RPRD1A: variants seen among roughly 807,000 people sequenced by gnomAD.
RPRD1A encodes the protein regulation of nuclear pre-mRNA domain containing 1A.
RPRD1A carries 9 observed loss-of-function variants against 37.8 expected under a neutral mutation model. That is an observed-to-expected ratio of 0.24 (90% confidence interval 0.14 to 0.42). The LOEUF is 0.42. Ranked by LOEUF, RPRD1A falls within the 10% of genes least tolerant of loss-of-function variation. RPRD1A has a pLI of 1.00. For synonymous variants in RPRD1A, 138 were observed against 139.7 expected (o/e 0.99, Z 0.08); for missense variants, 255 against 371.0 (o/e 0.69, Z 2.57).
At chr18:36,056,917 C>G (rs1354989203) in intron 1 of RPRD1A, among the ~76,000 whole-genome samples, 1 of 151,424 alleles carries the variant, frequency 6.6e-6, no homozygotes, top group African/African-American at 2.4e-5. Flanking sequence ...TTTTAACAAA[C>G]AAAAATAAAT....
intron 1 of RPRD1A, 109 bp downstream of exon 1, chr18:36,067,145 C>T: frequency 8.0e-7 from 1 of 1,249,530 alleles, no homozygotes; most frequent in Non-Finnish European, 1.1e-6. Flanking sequence ...CCACCGCGCG[C>T]TGGCATCCCG....
chr18:35,997,437 TCA>T (rs1909141216), intron 6 of RPRD1A, among the ~76,000 whole-genome samples: 1 of 152,184 alleles, frequency 6.6e-6, no homozygotes, highest in African/African-American at 2.4e-5. Context: ...GTTAAACCTT[TCA>T]CACATGTGTA....
chr18:36,065,768 C>A (rs1045321806), intron 1 of RPRD1A, among the ~76,000 whole-genome samples: 13 of 152,220 alleles, frequency 8.5e-5, no homozygotes, highest in African/African-American at 3.1e-4. Flanking sequence ...AATTGATGAA[C>A]ATAAAGTGGT....
At chr18:36,016,576 T>C (rs756542475) in intron 6 of RPRD1A, among the ~76,000 whole-genome samples, 83 of 152,160 alleles carry the variant, frequency 5.5e-4, no homozygotes, top group Non-Finnish European at 1.1e-3. Context: ...CTCCTTTTGC[T>C]TTTTTTAAAT....
intron 6 of RPRD1A, among the ~76,000 whole-genome samples, chr18:36,014,082 T>C (rs1910345673): frequency 6.6e-6 from 1 of 152,208 alleles, no homozygotes; most frequent in African/African-American, 2.4e-5. Context: ...TACACATACA[T>C]ATATAAAAGA....
intron 1 of RPRD1A, among the ~76,000 whole-genome samples, chr18:36,060,687 C>G (rs1032064285): frequency 6.6e-6 from 1 of 152,022 alleles, no homozygotes; most frequent in Non-Finnish European, 1.5e-5. Context: ...ATGTAACCCC[C>G]CAACCTATAA....
chr18:36,062,292 C>A (rs1469706881), intron 1 of RPRD1A, among the ~76,000 whole-genome samples: 2 of 142,980 alleles, frequency 1.4e-5, no homozygotes, highest in Non-Finnish European at 3.0e-5. Flanking sequence ...AGTCCGCAGT[C>A]CGGCCTGGGC....
chr18:36,008,988 G>A (rs1235811286), intron 6 of RPRD1A, among the ~76,000 whole-genome samples: 1 of 152,032 alleles, frequency 6.6e-6, no homozygotes, highest in Admixed American at 6.6e-5. Context: ...ACACTAACTG[G>A]GTATGGGAGT....
intron 2 of RPRD1A, among the ~76,000 whole-genome samples, chr18:36,033,070 G>A (rs1316786873): frequency 2.0e-5 from 3 of 152,036 alleles, no homozygotes; most frequent in Non-Finnish European, 2.9e-5. Flanking sequence ...TTGGGAGGCC[G>A]AGGCAGGTGG....
At position 35,991,678 on chromosome 18, in the gene RPRD1A, T is replaced by C. The variant is rs1908726681; in HGVS notation, c.*1473A>G. On this transcript the variant is annotated 3_prime_UTR_variant, in exon 7 of 7. Coordinates refer to ENST00000399022, the MANE Select transcript of RPRD1A (RefSeq NM_018170.5). Reference sequence around the variant, plus strand: ...TAGTAGTGCATGGATGAGCACTACTTATATGTGTCTCTGTTTTGGAGAGAG... The same window carrying C: ...TAGTAGTGCATGGATGAGCACTACTCATATGTGTCTCTGTTTTGGAGAGAG... 6.6e-6 allele frequency: 1 copy of C among 152,204 alleles called. No homozygotes were observed. Among genetic ancestry groups the C allele is most frequent in the Admixed American group, 6.5e-5 (1 of 15,284 alleles). 9.4% of individuals were successfully genotyped at this position (152,204 alleles called of 1,614,324 possible). A position where few individuals can be genotyped will look rare whatever the true frequency, so the allele number is the denominator to read the frequency against.
intron 1 of RPRD1A, among the ~76,000 whole-genome samples, chr18:36,044,828 T>A (rs1912841294): frequency 6.6e-6 from 1 of 152,050 alleles, no homozygotes; most frequent in African/African-American, 2.4e-5. Flanking sequence ...ACTGCAATTG[T>A]ATCCAAAGGA....
intron 1 of RPRD1A, among the ~76,000 whole-genome samples, chr18:36,046,670 G>GAA (rs1196382449): frequency 7.0e-6 from 1 of 142,988 alleles, no homozygotes; most frequent in East Asian, 2.0e-4. Context: ...CGTCTTCACA[G>GAA]AAAAAAAAAA....
rs752980996 is a variant in RPRD1A at position 36,062,323 on chromosome 18, CAAAAAAAAAAAAAAA to C, written c.151+4916_151+4930del. Among the ~76,000 whole-genome samples the C allele has an allele frequency of 7.1e-3, 287 of 40,634 alleles. 3 individuals are homozygous for C. Among genetic ancestry groups the C allele is most frequent in the African/African-American group, 0.028 (280 of 10,136 alleles). 26.7% of individuals were successfully genotyped at this position (40,634 alleles called of 152,430 possible). On this transcript the variant is annotated intron_variant, in intron 1 of 6. Transcript: ENST00000399022. Reference sequence around the variant, plus strand: ...TGGGCGACAGAGCGAGACTCCGTCTCAAAAAAAAAAAAAAAAAAAAAAAAACATGTACCCACTGTG... The same window carrying C: ...TGGGCGACAGAGCGAGACTCCGTCTCAAAAAAAAAACATGTACCCACTGTG...
At position 36,027,088 on chromosome 18, in the gene RPRD1A, C is replaced by G; in HGVS notation, c.614-13G>C. ...CCAGATTCTTTATCTAAGAAAAGCA[C>G]GGGATAATAAAATATTATACAACAA... On this transcript the variant is annotated splice_polypyrimidine_tract_variant and intron_variant, in intron 5 of 6. Transcript: ENST00000399022. The G allele has an allele frequency of 1.9e-6, 3 of 1,613,116 alleles. No individual in the cohort carries two copies. The highest frequency in any genetic ancestry group is 2.5e-6 in the Non-Finnish European group (3 of 1,179,342).
intron 6 of RPRD1A, 54 bp downstream of exon 6, chr18:36,026,846 C>G (rs1365069542): frequency 6.7e-7 from 1 of 1,498,506 alleles, no homozygotes; most frequent in African/African-American, 1.4e-5. Context: ...TTTAAAATTC[C>G]TAACAAAAAG....
intron 1 of RPRD1A, among the ~76,000 whole-genome samples, chr18:36,047,895 G>A (rs930466935): frequency 6.6e-6 from 1 of 151,996 alleles, no homozygotes; most frequent in African/African-American, 2.4e-5. Context: ...TTTACCAAAT[G>A]TTTAAAGAAT....
At chr18:36,040,965 C>A in intron 1 of RPRD1A, 1 of 628,570 alleles carries the variant, frequency 1.6e-6, no homozygotes, top group South Asian at 2.5e-5. Flanking sequence ...AAACACTGCT[C>A]AATTTCAGGT....
At chr18:36,047,207 C>T (rs868687518) in intron 1 of RPRD1A, among the ~76,000 whole-genome samples, 1 of 136,674 alleles carries the variant, frequency 7.3e-6, no homozygotes, top group Admixed American at 7.0e-5. Context: ...GACCCTGTCT[C>T]GAAATAAATA....
At chr18:36,033,343 A>T (rs2144304283) in intron 2 of RPRD1A, among the ~76,000 whole-genome samples, 1 of 150,382 alleles carries the variant, frequency 6.6e-6, no homozygotes, top group Middle Eastern at 3.4e-3. Flanking sequence ...AACAGTACTA[A>T]GTGTATATGG....
Sources: gnomAD v4.1 joint callset for allele counts (sites outside exome capture counted in the v4.1 genomes callset) on GRCh38, gnomAD v4.1.1 for gene constraint, MANE v1.5 for transcripts, NCBI Gene and HGNC (gene_info 2026-07-23, HGNC 2026-07-21) for gene names.